SETD2: variants seen among roughly 807,000 people sequenced by gnomAD.
The protein encoded by SETD2 is SET domain containing 2, histone lysine methyltransferase.
Under a neutral mutation model 242.1 loss-of-function variants are expected in SETD2, and 31 were observed. The ratio of observed to expected loss-of-function variants is 0.13; its 90% CI spans 0.10 to 0.17. The LOEUF is 0.17. Ranked by LOEUF, SETD2 falls within the 10% of genes least tolerant of loss-of-function variation. The pLI, the probability that SETD2 is intolerant of heterozygous loss-of-function variation, is 1.00. For synonymous variants in SETD2, 1,006 were observed against 1,066.5 expected, an observed-to-expected ratio of 0.94 and a Z score of 1.11; for missense variants, 2,481 against 3,046.3, an observed-to-expected ratio of 0.81 and a Z score of 4.37.
At chr3:47,137,323 GC>G (rs1282762516) in intron 1 of SETD2, among the ~76,000 whole-genome samples, 1 of 151,494 alleles carries the variant, frequency 6.6e-6, no homozygotes, top group African/African-American at 2.4e-5. Context: ...TTCCCGAGTA[GC>G]TGAGACTACA....
chr3:47,084,894 CTT>C (rs879474671), intron 11 of SETD2, among the ~76,000 whole-genome samples: 19 of 133,320 alleles, frequency 1.4e-4, no homozygotes, highest in Non-Finnish European at 1.1e-4. Context: ...CCATGCACAG[CTT>C]TTTTTTTTTT....
At chr3:47,124,895 C>T (rs545071060) in intron 2 of SETD2, among the ~76,000 whole-genome samples, 44 of 152,180 alleles carry the variant, frequency 2.9e-4, no homozygotes, top group African/African-American at 1.0e-3. Flanking sequence ...GTTTGAAAGA[C>T]ATTTGTATAA....
At chr3:47,049,963 T>C (rs1575689185) in intron 15 of SETD2, among the ~76,000 whole-genome samples, 1 of 146,930 alleles carries the variant, frequency 6.8e-6, no homozygotes, top group East Asian at 2.0e-4. Context: ...TTTGTACATA[T>C]ATTTATATGT....
intron 6 of SETD2, among the ~76,000 whole-genome samples, chr3:47,105,207 C>T (rs2042361867): frequency 6.6e-6 from 1 of 151,970 alleles, no homozygotes; most frequent in Admixed American, 6.6e-5. Context: ...GCCAGGAGTT[C>T]AAGACCAGCC....
At chr3:47,019,059 G>C (rs1345096731) in intron 19 of SETD2, among the ~76,000 whole-genome samples, 1 of 152,222 alleles carries the variant, frequency 6.6e-6, no homozygotes, top group Admixed American at 6.5e-5. Context: ...CCCCTTCAGT[G>C]AATGAAGATT....
At chr3:47,045,850 A>G (rs2039501155) in intron 16 of SETD2, among the ~76,000 whole-genome samples, 1 of 144,860 alleles carries the variant, frequency 6.9e-6, no homozygotes, top group Non-Finnish European at 1.5e-5. Flanking sequence ...ATCTTAGCTC[A>G]CTGCAAGCTC....
At chr3:47,094,132 A>C (rs1041734208) in intron 9 of SETD2, among the ~76,000 whole-genome samples, 29 of 152,166 alleles carry the variant, frequency 1.9e-4, no homozygotes, top group African/African-American at 6.8e-4. Flanking sequence ...ATTATTATTG[A>C]TTTGTTTCAA....
intron 1 of SETD2, among the ~76,000 whole-genome samples, chr3:47,159,139 C>G (rs966583817): frequency 1.2e-4 from 19 of 152,104 alleles, no homozygotes; most frequent in Admixed American, 1.0e-3. Flanking sequence ...AATCCTTGGC[C>G]CTTCTCTCTT....
chr3:47,088,082 A>T, intron 10 of SETD2, 31 bp downstream of exon 10: 1 of 1,588,534 alleles, frequency 6.3e-7, no homozygotes, highest in Non-Finnish European at 8.6e-7. Context: ...CCACAAAACC[A>T]GAAATAAAAA....
In SETD2 at chr3:47,123,957, C is replaced by G. The variant is rs1377575776; in HGVS notation, c.679G>C (p.Val227Leu). The G allele has an allele frequency of 6.4e-7, 1 of 1,550,866 alleles. No homozygotes were observed. Among genetic ancestry groups the G allele is most frequent in the African/African-American group, 1.4e-5 (1 of 73,136 alleles). The part of the protein sequence containing the change: ...TPITVLMAAP[V>L]PLPVDVAVRS... ...ACTGCTACATCTACTGGTAAGGGTA[C>G]TGGTGCTGCCATTAGAACTGTTATT... Residue 227 changes from valine (V) to leucine (L), a missense_variant, in exon 3 of 21, where the codon GTA becomes CTA. By Grantham distance (32) the Val-to-Leu change is conservative. Transcript: ENST00000409792.
intron 14 of SETD2, among the ~76,000 whole-genome samples, chr3:47,058,658 G>A (rs553712088): frequency 6.6e-6 from 1 of 151,380 alleles, no homozygotes; most frequent in Non-Finnish European, 1.5e-5. Context: ...ACAAGTGAAA[G>A]AAGGCAAATT....
intron 17 of SETD2, 77 bp from the exon 18 acceptor site, chr3:47,037,854 A>G: frequency 1.0e-6 from 1 of 957,810 alleles, no homozygotes; most frequent in East Asian, 2.4e-5. Flanking sequence ...CTGCTCATAC[A>G]TACATAAAAT....
chr3:47,131,209 A>G (rs535042030), intron 1 of SETD2, among the ~76,000 whole-genome samples: 2 of 152,370 alleles, frequency 1.3e-5, no homozygotes, highest in South Asian at 4.1e-4. Context: ...ACAGGACCAT[A>G]GTAGTTTATT....
chr3:47,103,999 GC>G (rs2107690324), intron 6 of SETD2, among the ~76,000 whole-genome samples: 1 of 152,242 alleles, frequency 6.6e-6, no homozygotes, highest in Non-Finnish European at 1.5e-5. Context: ...ATGTCACAAT[GC>G]CATAGGTCTC....
chr3:47,046,111 G>A (rs2039513805), intron 16 of SETD2, among the ~76,000 whole-genome samples: 1 of 151,746 alleles, frequency 6.6e-6, no homozygotes, highest in African/African-American at 2.4e-5. Context: ...GCTGAGGCGG[G>A]TGGATCACCT....
intron 5 of SETD2, among the ~76,000 whole-genome samples, chr3:47,108,493 C>T (rs2042528676): frequency 6.6e-6 from 1 of 152,154 alleles, no homozygotes; most frequent in Non-Finnish European, 1.5e-5. Context: ...TCAAACTCCA[C>T]CTAAATAACT....
chr3:47,054,028 A>G (rs7625070), intron 15 of SETD2, among the ~76,000 whole-genome samples: 85,142 of 151,948 alleles, frequency 0.56, 24,038 homozygotes, highest in Non-Finnish European at 0.58. Context: ...ATGATAAACC[A>G]GGACTCAAAA....
At chr3:47,041,100 T>G (rs1002658039) in intron 17 of SETD2, among the ~76,000 whole-genome samples, 1 of 152,166 alleles carries the variant, frequency 6.6e-6, no homozygotes, top group African/African-American at 2.4e-5. Flanking sequence ...GTGAGTTAAA[T>G]ACAATTTGAT....
At chr3:47,051,759 T>C (rs373116742) in intron 15 of SETD2, among the ~76,000 whole-genome samples, 2 of 151,628 alleles carry the variant, frequency 1.3e-5, no homozygotes, top group Admixed American at 1.3e-4. Context: ...GGGTAAAACA[T>C]GTTATTTCTA....
Sources: allele counts gnomAD v4.1 joint callset (sites outside exome capture counted in the v4.1 genomes callset), GRCh38; gene constraint gnomAD v4.1.1; transcripts MANE v1.5; gene names NCBI Gene and HGNC (gene_info 2026-07-23, HGNC 2026-07-21).